KIF24: variants seen among roughly 807,000 people sequenced by gnomAD.
KIF24 encodes the protein kinesin family member 24.
In KIF24, 81 loss-of-function variants were observed where a neutral mutation model predicts 118.9. The ratio of observed to expected loss-of-function variants is 0.68; its 90% CI spans 0.57 to 0.82. The LOEUF is 0.82. Ranked by LOEUF, KIF24 falls within the 40% of genes least tolerant of loss-of-function variation. The pLI is 0.00. For missense variants in KIF24, 1,560 were observed against 1,661.6 expected (o/e 0.94, Z 1.06); for synonymous variants, 599 against 610.0 (o/e 0.98, Z 0.27).
In KIF24 at chr9:34,260,791, C is replaced by T. The variant is rs563402608; in HGVS notation, c.1516-1086G>A. On this transcript the variant is annotated intron_variant, in intron 9 of 12. Coordinates refer to ENST00000402558, the MANE Select transcript of KIF24 (RefSeq NM_194313.4). ...TTCAAAACCAGCCTCGCTAACATGG[C>T]GAAACCCCGTCTCTACTAAAAATAC... 2.2e-4 allele frequency among the ~76,000 whole-genome samples: 34 copies of T among 152,024 alleles called. No homozygotes were observed. In the East Asian group the frequency reaches 6.2e-3, roughly 28 times the overall value.
rs768383778 is a variant in KIF24 at position 34,257,080 on chromosome 9, T to C, written c.2527A>G (p.Lys843Glu). Residue 843 changes from lysine (K) to glutamate (E), a missense_variant, in exon 11 of 13, where the codon AAG becomes GAG. By Grantham distance (56) the Lys-to-Glu change is moderately conservative. Around this residue, in one of 3 missense-constraint regions of KIF24, gnomAD observed 591 missense variants for 655.6 expected, o/e 0.90. Coordinates refer to ENST00000402558, the MANE Select transcript of KIF24 (RefSeq NM_194313.4). ...FSHISSQRATKQRNTLENSED... is the reference protein window; with the variant it reads ...FSHISSQRATEQRNTLENSED... ...CTATTCTCCAGGGTGTTCCTTTGCTTTGTGGCCCTCTGACTAGAGATGTGT... is the reference window on the plus strand; with the variant it reads ...CTATTCTCCAGGGTGTTCCTTTGCTCTGTGGCCCTCTGACTAGAGATGTGT... The C allele has an allele frequency of 2.5e-6, 4 of 1,613,940 alleles. No individual in the cohort carries two copies. The highest frequency in any genetic ancestry group is 3.4e-6 in the Non-Finnish European group (4 of 1,179,904).
chr9:34,331,255 A>G (rs970159840), upstream of KIF24, among the ~76,000 whole-genome samples: 3 of 152,246 alleles, frequency 2.0e-5, no homozygotes, highest in South Asian at 4.1e-4. Context: ...TCTTTAAAAC[A>G]GAGAAGCTTT....
chr9:34,280,488 C>G (rs955325664), intron 6 of KIF24, among the ~76,000 whole-genome samples: 1 of 152,022 alleles, frequency 6.6e-6, no homozygotes, highest in East Asian at 1.9e-4. Context: ...ACCTGATGCT[C>G]CTGGCCAAAT....
chr9:34,272,787 T>C (rs1441432724), intron 6 of KIF24, among the ~76,000 whole-genome samples: 2 of 152,184 alleles, frequency 1.3e-5, no homozygotes, highest in Non-Finnish European at 2.9e-5. Flanking sequence ...CACACCTGGC[T>C]AATTTTAAAA....
intron 3 of KIF24, among the ~76,000 whole-genome samples, chr9:34,299,325 C>T (rs1325863107): frequency 3.3e-5 from 5 of 151,728 alleles, no homozygotes; most frequent in East Asian, 1.9e-4. Context: ...GGATTACAGG[C>T]GCCCGCCACC....
At position 34,257,047 on chromosome 9, in the gene KIF24, A is replaced by G; in HGVS notation, c.2560T>C (p.Ser854Pro). Residue 854 changes from serine to proline, a missense_variant, in exon 11 of 13, where the codon TCA becomes CCA. Ser to Pro is a moderately conservative substitution (Grantham distance 74). Coordinates refer to ENST00000402558, the MANE Select transcript of KIF24 (RefSeq NM_194313.4). ...CCCCACGTCTGGTGCAGGAAGAATG[A>G]GTCTTCGCTATTCTCCAGGGTGTTC... ...QRNTLENSED[S>P]FFLHQTWGQG... 3 of 1,614,004 alleles carry G rather than the reference A, an allele frequency of 1.9e-6. No homozygotes were observed. Among genetic ancestry groups the G allele is most frequent in the Non-Finnish European group, 1.7e-6 (2 of 1,179,874 alleles).
rs138867513 is a variant in KIF24, at chr9:34,256,468, C to G, written c.3139G>C (p.Gly1047Arg). 31 of 1,613,706 alleles carry G rather than the reference C, an allele frequency of 1.9e-5. No homozygotes were observed. In the Middle Eastern group the frequency reaches 4.9e-4, roughly 26 times the overall value. Reference sequence around the variant, plus strand: ...GACATGGTGAGGGGAGACATGAGTCCAGAAGCATATTCAGCATGCGTGCCT... The same window carrying G: ...GACATGGTGAGGGGAGACATGAGTCGAGAAGCATATTCAGCATGCGTGCCT... ...QLGTHAEYAS[G>R]LMSPLTMSLL... The change falls in exon 11 of 13, where the codon GGA (glycine) becomes CGA (arginine). Residue 1047 changes from glycine to arginine, a missense_variant. Gly to Arg is a moderately radical substitution (Grantham distance 125). Transcript: ENST00000402558.
At chr9:34,312,000 A>T (rs748328208) in intron 1 of KIF24, among the ~76,000 whole-genome samples, 2 of 152,174 alleles carry the variant, frequency 1.3e-5, no homozygotes, top group African/African-American at 2.4e-5. Context: ...TTTCCCATGA[A>T]TAATGAACAG....
intron 8 of KIF24, among the ~76,000 whole-genome samples, chr9:34,263,738 ATTT>A (rs11422359): frequency 7.3e-6 from 1 of 137,640 alleles, no homozygotes; most frequent in Non-Finnish European, 1.5e-5. Context: ...TTTTTTCTTA[ATTT>A]TTTTTTTTTT....
At chr9:34,321,206 A>G (rs1422344520) in intron 1 of KIF24, among the ~76,000 whole-genome samples, 2 of 152,098 alleles carry the variant, frequency 1.3e-5, no homozygotes, top group Non-Finnish European at 2.9e-5. Flanking sequence ...TATTTTTTCT[A>G]TTTCAAGATG....
At chr9:34,288,848 CCACACACACACACACACACACA>C (rs10537521) in intron 5 of KIF24, among the ~76,000 whole-genome samples, 14 of 138,980 alleles carry the variant, frequency 1.0e-4, no homozygotes, top group Admixed American at 2.9e-4. Flanking sequence ...CCCAAATAAA[CCACACACACACACACACACACA>C]CACACACACA....
Position 34,257,235 on chromosome 9 carries a change from C to G in KIF24, c.2372G>C (p.Arg791Pro). Residue 791 changes from arginine (R) to proline (P), a missense_variant, in exon 11 of 13, where the codon CGC becomes CCC. By Grantham distance (103) the Arg-to-Pro change is moderately radical. Transcript: ENST00000402558. ...CTGACCCTCTGGGGGCCTGTACTGG[C>G]GTAAAGACCTTTTCAGTGGTTGGTA... ...LKYQPLKRSLRQYRPPEGQLT... is the reference protein window; with the variant it reads ...LKYQPLKRSLPQYRPPEGQLT... 6.2e-7 allele frequency: 1 copy of G among 1,614,014 alleles called. No individual in the cohort carries two copies. Among genetic ancestry groups the G allele is most frequent in the African/African-American group, 1.3e-5 (1 of 75,038 alleles).
chr9:34,307,859 T>TG (rs1836989040), intron 2 of KIF24, among the ~76,000 whole-genome samples: 1 of 58,116 alleles, frequency 1.7e-5, no homozygotes, highest in Non-Finnish European at 4.0e-5. Flanking sequence ...AGACTCTGTC[T>TG]GAAAAAAAAA....
chr9:34,286,660 C>T lies in KIF24; in HGVS notation c.1172G>A (p.Gly391Glu). The change falls in exon 6 of 13, where the codon GGA (glycine) becomes GAA (glutamate). Residue 391 changes from glycine to glutamate, a missense_variant. By Grantham distance (98) the Gly-to-Glu change is moderately conservative. Around this residue, in one of 3 missense-constraint regions of KIF24, gnomAD observed 964 missense variants for 988.0 expected, o/e 0.98. Transcript: ENST00000402558. The stretch of plus-strand genomic sequence containing the variant: ...ACTGTCCACCTGAAGCTCTTGCAGT[C>T]CCACTATCTGCACCATGTGCTTGCT... ...EDSKHMVQIV[G>E]LQELQVDSVE... 1 of 1,613,544 alleles carries T rather than the reference C, an allele frequency of 6.2e-7. No individual in the cohort carries two copies. Among genetic ancestry groups the T allele is most frequent in the South Asian group, 1.1e-5 (1 of 91,056 alleles).
rs758165928 is a variant in KIF24, at chr9:34,256,843, C to T, written c.2764G>A (p.Glu922Lys). The T allele has an allele frequency of 6.2e-7, 1 of 1,613,988 alleles. No individual in the cohort carries two copies. Among genetic ancestry groups the T allele is most frequent in the Non-Finnish European group, 8.5e-7 (1 of 1,179,898 alleles). ...GAAGGCCCTGAGGAAGTAGAGTTCT[C>T]TCTGCTCCAGTCCACGGGCCCCTTA... ...PSKGPVDWSR[E>K]NSTSSGPSPR... is the part of the protein sequence containing the mutation. The change falls in exon 11 of 13, where the codon GAG becomes AAG. Residue 922 changes from glutamate to lysine, a missense_variant. Glu to Lys is a moderately conservative substitution (Grantham distance 56, BLOSUM62 1). This residue lies in a region of KIF24 where 591 missense variants were observed against 655.6 expected (regional missense o/e 0.90). Transcript: ENST00000402558.
At chr9:34,282,682 A>G (rs1050790542) in intron 6 of KIF24, 7 of 152,116 alleles carry the variant, frequency 4.6e-5, no homozygotes, top group African/African-American at 1.7e-4. Context: ...TTCTATTCTG[A>G]ACCACTGGTC....
chr9:34,311,979 C>T (rs142178044), intron 1 of KIF24, among the ~76,000 whole-genome samples: 1 of 152,218 alleles, frequency 6.6e-6, no homozygotes, highest in Non-Finnish European at 1.5e-5. Flanking sequence ...TCAAGGCATG[C>T]TGCACAACTG....
chr9:34,318,433 C>T lies in KIF24; in HGVS notation c.-25-7062G>A. The T allele has an allele frequency of 1.4e-6, 1 of 706,170 alleles. No individual in the cohort carries two copies. Among genetic ancestry groups the T allele is most frequent in the South Asian group, 1.5e-5 (1 of 67,764 alleles). The allele number at this position is 706,170 out of a possible 1,614,324, so 43.7% of individuals were successfully genotyped here. On this transcript the variant is annotated intron_variant, in intron 1 of 12. Coordinates refer to ENST00000402558, the MANE Select transcript of KIF24 (RefSeq NM_194313.4). The surrounding 1 kb of genome is among the most constrained non-coding windows in gnomAD (Gnocchi z 4.9). ...GCTCCCTCCTGCTCCTCAGCGCCTTCTGCCTCCTGGCGGTGGCCTTGGCGA... is the reference window on the plus strand; with the variant it reads ...GCTCCCTCCTGCTCCTCAGCGCCTTTTGCCTCCTGGCGGTGGCCTTGGCGA...
chr9:34,274,982 G>T (rs1329708342), intron 6 of KIF24, among the ~76,000 whole-genome samples: 2 of 152,072 alleles, frequency 1.3e-5, no homozygotes, highest in East Asian at 3.8e-4. Flanking sequence ...TAGAAGGATG[G>T]TTACCACAGA....
Sources: allele counts gnomAD v4.1 joint callset (sites outside exome capture counted in the v4.1 genomes callset), GRCh38; gene constraint gnomAD v4.1.1; regional missense constraint gnomAD v4.1.1; non-coding constraint Gnocchi (gnomAD v3.1); transcripts MANE v1.5; gene names NCBI Gene and HGNC (gene_info 2026-07-23, HGNC 2026-07-21).